The following DESI1 variants were observed in gnomAD, a reference collection of about 807,000 sequenced individuals.
DESI1 encodes the protein PPPDE peptidase domain containing 2.
A neutral mutation model predicts 22.4 loss-of-function variants in DESI1; 17 were observed. That is an observed-to-expected ratio of 0.76 (90% CI 0.52 to 1.14). DESI1 has a LOEUF of 1.14. Ranked by LOEUF, DESI1 falls within the 50% of genes most tolerant of loss-of-function variation. The pLI is 0.00. For synonymous variants in DESI1, 92 were observed against 84.2 expected (o/e 1.09, Z -0.51); for missense variants, 177 against 208.9 (o/e 0.85, Z 0.94).
At chr22:41,609,545 G>A (rs1386807085) in intron 1 of DESI1, among the ~76,000 whole-genome samples, 1 of 152,160 alleles carries the variant, frequency 6.6e-6, no homozygotes, top group South Asian at 2.1e-4. Context: ...TGTAATCCCA[G>A]CACTTTGGGA....
intron 1 of DESI1, among the ~76,000 whole-genome samples, chr22:41,610,251 C>G (rs571755330): frequency 8.6e-4 from 128 of 149,336 alleles, no homozygotes; most frequent in African/African-American, 2.8e-3. Flanking sequence ...TGGTGGCAGG[C>G]ACCTGTAATC....
Position 41,620,824 on chromosome 22 carries a change from G to A in DESI1, c.16C>T (p.Leu6Phe). ...TACACGTAGAGCTTCACCGGATAGAGATTCGGCGGCTCCATTGGGACCCGT... is the reference window on the plus strand; with the variant it reads ...TACACGTAGAGCTTCACCGGATAGAAATTCGGCGGCTCCATTGGGACCCGT... MEPPN[L>F]YPVKLYVYDL... Residue 6 changes from leucine to phenylalanine, a missense_variant, in exon 1 of 6, where the codon CTC (leucine) becomes TTC (phenylalanine). Leu to Phe is a conservative substitution (Grantham distance 22). Coordinates refer to ENST00000263256, the MANE Select transcript of DESI1 (RefSeq NM_015704.3). The A allele has an allele frequency of 1.9e-6, 3 of 1,610,858 alleles. No homozygotes were observed. Among genetic ancestry groups the A allele is most frequent in the Non-Finnish European group, 2.5e-6 (3 of 1,178,640 alleles).
chr22:41,604,334 C>T, intron 3 of DESI1, 181 bp from the exon 4 acceptor site: 1 of 479,572 alleles, frequency 2.1e-6, no homozygotes, highest in Non-Finnish European at 3.6e-6. Flanking sequence ...CAACCTCCGC[C>T]TCCCGGGTTC....
intron 1 of DESI1, among the ~76,000 whole-genome samples, chr22:41,616,891 C>A (rs759333254): frequency 3.9e-5 from 6 of 152,158 alleles, no homozygotes; most frequent in Admixed American, 2.0e-4. Flanking sequence ...CTAGTCTAAT[C>A]CTGAACTGCG....
chr22:41,607,349 A>T lies in DESI1; in HGVS notation c.111-18T>A, dbSNP rs762588224. 23 of 1,595,468 alleles carry T rather than the reference A, an allele frequency of 1.4e-5. No homozygotes were observed. The East Asian group carries it at 5.2e-4, about 36-fold the overall frequency. On this transcript the variant is annotated intron_variant, in intron 2 of 5. Transcript: ENST00000263256. ...ATGTGTGCCTGTCACACAGAGAGAGACACAGTAAGCCAGAAAACTTAAACT... is the reference window on the plus strand; with the variant it reads ...ATGTGTGCCTGTCACACAGAGAGAGTCACAGTAAGCCAGAAAACTTAAACT...
chr22:41,619,312 G>A (rs1349248608), intron 1 of DESI1, among the ~76,000 whole-genome samples: 1 of 152,138 alleles, frequency 6.6e-6, no homozygotes, highest in African/African-American at 2.4e-5. Context: ...TGAAGCCTTA[G>A]AATCCATATA....
chr22:41,619,776 TCA>T (rs755909067), intron 1 of DESI1, among the ~76,000 whole-genome samples: 3 of 152,202 alleles, frequency 2.0e-5, no homozygotes, highest in Non-Finnish European at 4.4e-5. Context: ...CCCCCTCGTC[TCA>T]CAGAGATGAA....
rs1207686644 is a variant in DESI1, at chr22:41,603,309, C to T, written c.363G>A (p.Gly121=). ...CTGTGATGTAAGAAGGAATCTTCCG[C>T]CCAGTCAGGAACTGTGCCACTTCGT... ...FSNEVAQFLT[G]RKIPSYITDL... Residue 121 remains glycine, a synonymous_variant, in exon 5 of 6, where the codon GGG becomes GGA. Transcript: ENST00000263256. 1 of 1,614,100 alleles carries T rather than the reference C, an allele frequency of 6.2e-7. No homozygotes were observed. The highest frequency in any genetic ancestry group is 8.5e-7 in the Non-Finnish European group (1 of 1,180,056).
chr22:41,614,073 G>C (rs1456180275), intron 1 of DESI1, among the ~76,000 whole-genome samples: 1 of 151,612 alleles, frequency 6.6e-6, no homozygotes, highest in Non-Finnish European at 1.5e-5. Context: ...GTCTCGCTCT[G>C]TTGTCCAGGC....
chr22:41,620,231 C>G (rs1019048612), intron 1 of DESI1, among the ~76,000 whole-genome samples: 1 of 152,132 alleles, frequency 6.6e-6, no homozygotes, highest in African/African-American at 2.4e-5. Context: ...GCAGCTCTAT[C>G]TCCCCCATCC....
intron 3 of DESI1, among the ~76,000 whole-genome samples, chr22:41,604,646 C>G (rs1224515133): frequency 6.6e-6 from 1 of 151,976 alleles, no homozygotes; most frequent in African/African-American, 2.4e-5. Context: ...GGTGTCCAAT[C>G]CTTTGGCTTC....
At chr22:41,603,987 GTTA>G in intron 4 of DESI1, 54 bp downstream of exon 4, 4 of 1,502,126 alleles carry the variant, frequency 2.7e-6, no homozygotes, top group Non-Finnish European at 3.7e-6. Flanking sequence ...GCCTCCAGGG[GTTA>G]TTATCTAGCT....
intron 3 of DESI1, 78 bp from the exon 4 acceptor site, chr22:41,604,231 C>T (rs2067465998): frequency 9.4e-7 from 1 of 1,062,560 alleles, no homozygotes; most frequent in Non-Finnish European, 1.4e-6. Context: ...CACAGTAGAC[C>T]ACAAACACTC....
chr22:41,601,096 G>C lies in DESI1; in HGVS notation c.*1C>G. 6.2e-7 allele frequency: 1 copy of C among 1,612,834 alleles called. No homozygotes were observed. The highest frequency in any genetic ancestry group is 8.5e-7 in the Non-Finnish European group (1 of 1,179,410). ...AGGCAGGGCGGTCCCAGGCAGTCCT[G>C]TTAGCTCTGGCCGTTGGGTCTGCCC... On this transcript the variant is annotated 3_prime_UTR_variant, in exon 6 of 6. Coordinates refer to ENST00000263256, the MANE Select transcript of DESI1 (RefSeq NM_015704.3).
intron 1 of DESI1, among the ~76,000 whole-genome samples, chr22:41,613,307 C>T (rs1301065459): frequency 6.6e-6 from 1 of 152,196 alleles, no homozygotes; most frequent in Admixed American, 6.5e-5. Flanking sequence ...CATAACATTT[C>T]CAGGATTAAA....
At chr22:41,610,560 C>T (rs1408230336) in intron 1 of DESI1, among the ~76,000 whole-genome samples, 1 of 152,114 alleles carries the variant, frequency 6.6e-6, no homozygotes, top group African/African-American at 2.4e-5. Flanking sequence ...AGTACTTCTG[C>T]CTCTGTTCCA....
chr22:41,603,147 G>T, intron 5 of DESI1, 112 bp downstream of exon 5: 1 of 1,518,884 alleles, frequency 6.6e-7, no homozygotes, highest in East Asian at 2.3e-5. Context: ...CTGCCATCAG[G>T]GCAGGCCCAC....
intron 2 of DESI1, 28 bp from the exon 3 acceptor site, chr22:41,607,359 C>T (rs1165019889): frequency 6.3e-7 from 1 of 1,585,096 alleles, no homozygotes. Flanking sequence ...ACACAGTAAG[C>T]CAGAAAACTT....
intron 3 of DESI1, among the ~76,000 whole-genome samples, chr22:41,606,992 C>T (rs1318735310): frequency 6.6e-6 from 1 of 152,086 alleles, no homozygotes; most frequent in South Asian, 2.1e-4. Flanking sequence ...GGTCTCAGCT[C>T]GCAAGGAGCT....
Sources: allele counts gnomAD v4.1 joint callset (sites outside exome capture counted in the v4.1 genomes callset), GRCh38; gene constraint gnomAD v4.1.1; transcripts MANE v1.5; gene names NCBI Gene and HGNC (gene_info 2026-07-23, HGNC 2026-07-21).